The following NEK5 variants were observed in gnomAD, a reference collection of about 807,000 sequenced individuals.
NEK5 encodes the protein NIMA related kinase 5.
A neutral mutation model predicts 109.2 loss-of-function variants in NEK5; 88 were observed. The observed-to-expected ratio is 0.81, with a 90% confidence interval of 0.68 to 0.96. The LOEUF is 0.96. Among genes scored for constraint, NEK5 ranks in the 40% least tolerant of loss-of-function variants. NEK5 has a pLI of 0.00. For missense variants in NEK5, 834 were observed against 920.7 expected (o/e 0.91, Z 1.22); for synonymous variants, 283 against 299.9 (o/e 0.94, Z 0.58).
At chr13:52,085,967 G>T (rs1886547) in intron 16 of NEK5, among the ~76,000 whole-genome samples, 63,261 of 151,876 alleles carry the variant, frequency 0.42, 15,041 homozygotes, top group Non-Finnish European at 0.54. Flanking sequence ...ATCCAGCTCT[G>T]GTCTAAAGTT....
chr13:52,114,272 C>T (rs903708596), intron 4 of NEK5, among the ~76,000 whole-genome samples: 10 of 151,824 alleles, frequency 6.6e-5, no homozygotes, highest in African/African-American at 2.2e-4. Context: ...AAAACATAAG[C>T]GCCAAAATCA....
At chr13:52,118,677 C>A (rs182601834) in intron 4 of NEK5, among the ~76,000 whole-genome samples, 6 of 152,154 alleles carry the variant, frequency 3.9e-5, no homozygotes, top group African/African-American at 1.2e-4. Context: ...AAGGTACTTC[C>A]TTCCCTAAAG....
intron 20 of NEK5, among the ~76,000 whole-genome samples, chr13:52,071,195 A>G (rs1471784302): frequency 6.6e-6 from 1 of 152,106 alleles, no homozygotes; most frequent in Non-Finnish European, 1.5e-5. Context: ...TTCTCATAAG[A>G]TAAGTAAACA....
At chr13:52,040,690 T>C (rs1383694603) in intron 23 of NEK5, among the ~76,000 whole-genome samples, 2 of 152,230 alleles carry the variant, frequency 1.3e-5, no homozygotes, top group Non-Finnish European at 2.9e-5. Flanking sequence ...TGTTTTTAAA[T>C]GTTCAATTGT....
intron 23 of NEK5, among the ~76,000 whole-genome samples, chr13:52,040,963 T>C (rs1396143183): frequency 1.3e-5 from 2 of 152,192 alleles, no homozygotes; most frequent in Non-Finnish European, 2.9e-5. Context: ...GCCACATTAC[T>C]GGTATTTTTT....
At chr13:52,124,497 G>A (rs1240617571) in intron 3 of NEK5, among the ~76,000 whole-genome samples, 5 of 152,080 alleles carry the variant, frequency 3.3e-5, no homozygotes, top group African/African-American at 1.2e-4. Flanking sequence ...CAACATGATT[G>A]CTAATAGCCA....
intron 22 of NEK5, among the ~76,000 whole-genome samples, chr13:52,051,614 T>A (rs937017711): frequency 6.6e-6 from 1 of 152,186 alleles, no homozygotes; most frequent in Non-Finnish European, 1.5e-5. Context: ...GACGAGTCAC[T>A]GATAAAAGCT....
At chr13:52,059,619 C>T (rs1954593070) in intron 22 of NEK5, among the ~76,000 whole-genome samples, 1 of 152,070 alleles carries the variant, frequency 6.6e-6, no homozygotes, top group Non-Finnish European at 1.5e-5. Flanking sequence ...GAATACTATG[C>T]ACCCATAAAA....
intron 9 of NEK5, among the ~76,000 whole-genome samples, chr13:52,102,649 C>T (rs766401109): frequency 1.3e-5 from 2 of 152,238 alleles, no homozygotes; most frequent in South Asian, 2.1e-4. Flanking sequence ...GCCGTGATTG[C>T]GTCACTGCAC....
At chr13:52,108,594 T>C (rs1161716096) in intron 7 of NEK5, among the ~76,000 whole-genome samples, 190 bp from the exon 8 acceptor site, 1 of 152,164 alleles carries the variant, frequency 6.6e-6, no homozygotes, top group African/African-American at 2.4e-5. Flanking sequence ...AACTTACAAT[T>C]CACCTCCCAA....
At chr13:52,061,049 T>A (rs1370719059) in intron 22 of NEK5, among the ~76,000 whole-genome samples, 2 of 152,104 alleles carry the variant, frequency 1.3e-5, no homozygotes, top group Admixed American at 6.5e-5. Context: ...AAAATGATGG[T>A]TGGCTTCCCT....
At chr13:52,112,170 G>T in intron 5 of NEK5, 98 bp downstream of exon 5, 1 of 560,376 alleles carries the variant, frequency 1.8e-6, no homozygotes, top group South Asian at 3.3e-5. Flanking sequence ...CAAAACACAT[G>T]CTTTATATCA....
chr13:52,084,756 A>AGT (rs1357515123), intron 16 of NEK5, among the ~76,000 whole-genome samples: 111 of 52,226 alleles, frequency 2.1e-3, no homozygotes, highest in East Asian at 8.6e-3. Context: ...AGAGAGAGAG[A>AGT]GAGAGAGTGT....
At chr13:52,094,862 T>C (rs567414504) in intron 12 of NEK5, among the ~76,000 whole-genome samples, 15 of 152,222 alleles carry the variant, frequency 9.9e-5, no homozygotes, top group Admixed American at 5.2e-4. Context: ...AGTAAATGTA[T>C]AAAATTTAGT....
rs1321928985 is a variant in NEK5 at position 52,101,923 on chromosome 13, T to C, written c.892+10A>G. ...AAATACTTTTGATTGCATGCCAAAG[T>C]CACACTTACTCTGGACCACCTTCCC... On this transcript the variant is annotated intron_variant, in intron 11 of 23. Coordinates refer to ENST00000684899, the MANE Select transcript of NEK5 (RefSeq NM_001365552.1). 13 of 1,609,886 alleles carry C rather than the reference T, an allele frequency of 8.1e-6. No homozygotes were observed. The African/African-American group carries it at 1.7e-4, about 22-fold the overall frequency.
intron 8 of NEK5, among the ~76,000 whole-genome samples, chr13:52,107,696 C>G (rs1007320625): frequency 2.0e-5 from 3 of 151,504 alleles, no homozygotes; most frequent in African/African-American, 7.3e-5. Flanking sequence ...TAAACCATGA[C>G]AAAATAATGA....
chr13:52,038,393 T>C (rs1265535297), intron 23 of NEK5, among the ~76,000 whole-genome samples: 1 of 152,094 alleles, frequency 6.6e-6, no homozygotes, highest in Non-Finnish European at 1.5e-5. Context: ...CAAGAAGATG[T>C]GTATCGTGGA....
At chr13:52,049,070 C>T (rs1954481051) in intron 23 of NEK5, among the ~76,000 whole-genome samples, 1 of 152,068 alleles carries the variant, frequency 6.6e-6, no homozygotes. Context: ...GTACATATTT[C>T]AAAACATCAT....
intron 16 of NEK5, among the ~76,000 whole-genome samples, chr13:52,084,730 AGAGT>A (rs535431647): frequency 1.9e-4 from 24 of 125,582 alleles, no homozygotes; most frequent in Middle Eastern, 4.0e-3. Context: ...AGAGAGAGAG[AGAGT>A]GAGAGAGAGA....
Sources: gnomAD v4.1 joint callset for allele counts (sites outside exome capture counted in the v4.1 genomes callset) on GRCh38, gnomAD v4.1.1 for gene constraint, MANE v1.5 for transcripts, NCBI Gene and HGNC (gene_info 2026-07-23, HGNC 2026-07-21) for gene names.